Variants in PPP1R9A observed in about 807,000 individuals in gnomAD.
The protein encoded by PPP1R9A is protein phosphatase 1 regulatory subunit 9A.
In PPP1R9A, 59 loss-of-function variants were observed where a neutral mutation model predicts 141.9. The observed-to-expected ratio is 0.42, with a 90% CI of 0.34 to 0.52. The LOEUF is 0.52. Ranked by LOEUF, PPP1R9A falls within the 20% of genes least tolerant of loss-of-function variation. The pLI is 0.10. For synonymous variants in PPP1R9A, 500 were observed against 569.7 expected, an observed-to-expected ratio of 0.88 and a Z score of 1.74; for missense variants, 1,444 against 1,611.9, an observed-to-expected ratio of 0.90 and a Z score of 1.78.
chr7:94,961,617 C>T (rs1797653153), intron 2 of PPP1R9A, among the ~76,000 whole-genome samples: 1 of 151,598 alleles, frequency 6.6e-6, no homozygotes, highest in African/African-American at 2.4e-5. Flanking sequence ...GACTGGGTGC[C>T]CTTTTGCAAA....
intron 7 of PPP1R9A, among the ~76,000 whole-genome samples, chr7:95,221,703 T>G (rs1479355394): frequency 6.6e-6 from 1 of 151,956 alleles, no homozygotes; most frequent in African/African-American, 2.4e-5. Flanking sequence ...GAAAATTAGG[T>G]ATGAGAAGGA....
chr7:95,106,267 G>A lies in PPP1R9A; in HGVS notation c.1396-4992G>A, dbSNP rs150957827. On this transcript the variant is annotated intron_variant, in intron 2 of 19. Transcript: ENST00000433360. ...TTTCCTAATACTCTTATGGGGATAG[G>A]CATTATTATAAAAACCATTTTGTAA... Among the ~76,000 whole-genome samples the A allele has an allele frequency of 3.9e-3, 600 of 152,168 alleles. 22 individuals carry two copies. Among genetic ancestry groups the A allele is most frequent in the East Asian group, 0.037 (194 of 5,184 alleles).
At chr7:95,159,788 T>C (rs936180261) in intron 4 of PPP1R9A, among the ~76,000 whole-genome samples, 1 of 151,566 alleles carries the variant, frequency 6.6e-6, no homozygotes, top group African/African-American at 2.4e-5. Context: ...TAGCCGGGCT[T>C]GGTGGTGCAT....
chr7:94,955,742 C>A (rs914501808), intron 2 of PPP1R9A, among the ~76,000 whole-genome samples: 3 of 152,142 alleles, frequency 2.0e-5, no homozygotes, highest in Admixed American at 2.0e-4. Flanking sequence ...ATTGTGATAA[C>A]TTGAATGACT....
chr7:95,072,935 A>G (rs2152195876), intron 2 of PPP1R9A, among the ~76,000 whole-genome samples: 1 of 127,822 alleles, frequency 7.8e-6, no homozygotes, highest in East Asian at 2.0e-4. Flanking sequence ...TTGCATATAT[A>G]TTATATATAT....
intron 18 of PPP1R9A, among the ~76,000 whole-genome samples, chr7:95,286,614 T>C (rs1461819541): frequency 1.3e-5 from 2 of 152,078 alleles, no homozygotes; most frequent in African/African-American, 2.4e-5. Context: ...AGAAATCACA[T>C]AGAAGTTTCC....
intron 2 of PPP1R9A, among the ~76,000 whole-genome samples, chr7:95,023,367 C>T (rs1259951649): frequency 6.6e-6 from 1 of 151,366 alleles, no homozygotes; most frequent in Non-Finnish European, 1.5e-5. Flanking sequence ...ATTCTTCTCT[C>T]TTTTCTTCTT....
chr7:94,949,728 T>C (rs1214821740), intron 2 of PPP1R9A, among the ~76,000 whole-genome samples: 1 of 151,878 alleles, frequency 6.6e-6, no homozygotes, highest in Non-Finnish European at 1.5e-5. Context: ...GGGGTGGTGA[T>C]GGAGGAAACA....
intron 4 of PPP1R9A, among the ~76,000 whole-genome samples, chr7:95,128,286 A>G (rs886264640): frequency 1.3e-5 from 2 of 152,216 alleles, no homozygotes; most frequent in African/African-American, 4.8e-5. Flanking sequence ...ATTTTTTAAT[A>G]TGTTTGTTGG....
At position 95,097,592 on chromosome 7, in the gene PPP1R9A, G is replaced by A. The variant is rs1460440945; in HGVS notation, c.1396-13667G>A. On this transcript the variant is annotated intron_variant, in intron 2 of 19. Transcript: ENST00000433360. ...ATATGATACATACATATGTGTATACGTATGTGTATATTTGAAACCAAAAGT... is the reference window on the plus strand; with the variant it reads ...ATATGATACATACATATGTGTATACATATGTGTATATTTGAAACCAAAAGT... Among the ~76,000 whole-genome samples the A allele has an allele frequency of 3.9e-5, 6 of 152,220 alleles. No individual in the cohort carries two copies. In the South Asian group the frequency reaches 1.0e-3, roughly 26 times the overall value.
intron 12 of PPP1R9A, among the ~76,000 whole-genome samples, chr7:95,257,736 A>G (rs997927587): frequency 1.3e-5 from 2 of 151,830 alleles, no homozygotes; most frequent in Non-Finnish European, 2.9e-5. Context: ...CTCACTGTTC[A>G]ATTCTCACCT....
intron 5 of PPP1R9A, among the ~76,000 whole-genome samples, chr7:95,168,977 G>C (rs1831695418): frequency 6.6e-6 from 1 of 151,994 alleles, no homozygotes; most frequent in African/African-American, 2.4e-5. Flanking sequence ...ACAGTAAGGA[G>C]ACTTCTCAAA....
intron 7 of PPP1R9A, among the ~76,000 whole-genome samples, chr7:95,224,212 A>G (rs1159144788): frequency 2.0e-5 from 3 of 152,112 alleles, no homozygotes; most frequent in Admixed American, 2.0e-4. Flanking sequence ...GGTACTCAGG[A>G]GATACATAGG....
At chr7:94,911,538 A>G in intron 2 of PPP1R9A, 30 bp downstream of exon 2, 1 of 1,547,870 alleles carries the variant, frequency 6.5e-7, no homozygotes, top group Non-Finnish European at 8.8e-7. Flanking sequence ...TTTGTTTTCT[A>G]AATTTGTTTT....
intron 8 of PPP1R9A, among the ~76,000 whole-genome samples, chr7:95,236,020 A>C (rs992524141): frequency 2.0e-5 from 3 of 152,148 alleles, no homozygotes; most frequent in Non-Finnish European, 4.4e-5. Context: ...GAGGTTAAAG[A>C]CTACACATTG....
At chr7:95,290,058 CA>C (rs1283181039) in intron 19 of PPP1R9A, 32 bp from the exon 20 acceptor site, 1 of 1,606,270 alleles carries the variant, frequency 6.2e-7, no homozygotes. Flanking sequence ...CATTGGTTTT[CA>C]AATTCAGTTT....
intron 6 of PPP1R9A, among the ~76,000 whole-genome samples, chr7:95,200,867 C>A (rs1473538072): frequency 1.8e-4 from 27 of 152,122 alleles, no homozygotes. Flanking sequence ...CCTAGAAATG[C>A]AGCAACTGAG....
At chr7:94,997,048 C>A (rs778865765) in intron 2 of PPP1R9A, among the ~76,000 whole-genome samples, 13 of 152,116 alleles carry the variant, frequency 8.5e-5, no homozygotes, top group Non-Finnish European at 1.6e-4. Context: ...AGGCGATCCA[C>A]CTGCCTCGGC....
chr7:95,024,586 T>G (rs1343269347), intron 2 of PPP1R9A, among the ~76,000 whole-genome samples: 1 of 152,156 alleles, frequency 6.6e-6, no homozygotes, highest in African/African-American at 2.4e-5. Flanking sequence ...TCTCTTAGAG[T>G]GGGATCGCAA....
Sources: gnomAD v4.1 joint callset for allele counts (sites outside exome capture counted in the v4.1 genomes callset) on GRCh38, gnomAD v4.1.1 for gene constraint, MANE v1.5 for transcripts, NCBI Gene and HGNC (gene_info 2026-07-23, HGNC 2026-07-21) for gene names.